PLEKHG1: variants seen among roughly 807,000 people sequenced by gnomAD.
PLEKHG1 encodes pleckstrin homology and RhoGEF domain containing G1.
In PLEKHG1, 44 loss-of-function variants were observed where a neutral mutation model predicts 100.8. The ratio of observed to expected loss-of-function variants is 0.44; its 90% CI spans 0.34 to 0.56. The LOEUF is 0.56. Ranked by LOEUF, PLEKHG1 falls within the 20% of genes least tolerant of loss-of-function variation. The pLI is 0.01. For missense variants in PLEKHG1, 1,545 were observed against 1,720.9 expected (o/e 0.90, Z 1.81); for synonymous variants, 640 against 662.5 (o/e 0.97, Z 0.52).
At chr6:150,616,810 C>T (rs201123628) in intron 1 of PLEKHG1, among the ~76,000 whole-genome samples, 1 of 152,154 alleles carries the variant, frequency 6.6e-6, no homozygotes, top group Admixed American at 6.5e-5. Flanking sequence ...TGTAAGAACA[C>T]GTTCATCTCA....
At chr6:150,747,432 A>G (rs1407436324) in intron 2 of PLEKHG1, among the ~76,000 whole-genome samples, 5 of 152,202 alleles carry the variant, frequency 3.3e-5, no homozygotes, top group Non-Finnish European at 7.3e-5. Flanking sequence ...TTTAACCTAC[A>G]TAACTTAGTA....
chr6:150,816,571 G>A (rs571788203), intron 10 of PLEKHG1, among the ~76,000 whole-genome samples: 13 of 151,852 alleles, frequency 8.6e-5, no homozygotes, highest in East Asian at 5.8e-4. Context: ...TGATCTGCCC[G>A]CCTCAGCCTC....
intron 2 of PLEKHG1, among the ~76,000 whole-genome samples, chr6:150,745,183 G>A (rs1783090311): frequency 1.3e-5 from 2 of 152,212 alleles, no homozygotes; most frequent in East Asian, 1.9e-4. Flanking sequence ...TTGCTTCTAG[G>A]CTACAAACCT....
At chr6:150,835,372 T>C (rs1406631543) in intron 15 of PLEKHG1, among the ~76,000 whole-genome samples, 8 of 152,122 alleles carry the variant, frequency 5.3e-5, no homozygotes, top group Admixed American at 5.2e-4. Flanking sequence ...GGCACAATTT[T>C]ATGCTTTTGT....
intron 3 of PLEKHG1, among the ~76,000 whole-genome samples, chr6:150,693,664 C>G (rs1361609279): frequency 6.6e-6 from 1 of 152,230 alleles, no homozygotes; most frequent in African/African-American, 2.4e-5. Flanking sequence ...CTCACCCGCT[C>G]TAAGCACATC....
chr6:150,725,791 G>T (rs1583009879), intron 1 of PLEKHG1, among the ~76,000 whole-genome samples: 1 of 148,428 alleles, frequency 6.7e-6, no homozygotes. Context: ...GAGGCTTTAT[G>T]GTTTCTAGTC....
intron 3 of PLEKHG1, among the ~76,000 whole-genome samples, chr6:150,706,432 G>T (rs2128601911): frequency 6.8e-6 from 1 of 146,116 alleles, no homozygotes; most frequent in South Asian, 2.3e-4. Context: ...GGGCAACATA[G>T]GGAAACCCCA....
chr6:150,640,110 C>G (rs1008127749), intron 2 of PLEKHG1, among the ~76,000 whole-genome samples: 2 of 152,278 alleles, frequency 1.3e-5, no homozygotes, highest in African/African-American at 4.8e-5. Flanking sequence ...CCATCTGGCC[C>G]TACCTGCTGT....
intron 2 of PLEKHG1, among the ~76,000 whole-genome samples, chr6:150,760,548 G>A (rs542663039): frequency 2.0e-5 from 3 of 150,836 alleles, no homozygotes; most frequent in East Asian, 1.9e-4. Flanking sequence ...GTGGTGGCCC[G>A]TTTTGAAGAC....
intron 10 of PLEKHG1, 28 bp from the exon 12 acceptor site, chr6:150,818,155 A>G (rs1776092047): frequency 6.3e-7 from 1 of 1,587,662 alleles, no homozygotes; most frequent in East Asian, 2.2e-5. Flanking sequence ...AAGCAATTGG[A>G]ATTACAGCTC....
At chr6:150,631,483 C>T (rs998503359) in intron 1 of PLEKHG1, among the ~76,000 whole-genome samples, 1 of 152,210 alleles carries the variant, frequency 6.6e-6, no homozygotes, top group African/African-American at 2.4e-5. Flanking sequence ...ACAGCCACAC[C>T]TTACACCTAG....
intron 2 of PLEKHG1, among the ~76,000 whole-genome samples, chr6:150,638,995 G>A (rs1243134094): frequency 6.6e-6 from 1 of 152,124 alleles, no homozygotes; most frequent in Non-Finnish European, 1.5e-5. Context: ...TTAATGAGTG[G>A]GGAATGTTAT....
At chr6:150,668,799 A>G (rs987470283) in intron 3 of PLEKHG1, among the ~76,000 whole-genome samples, 1 of 152,216 alleles carries the variant, frequency 6.6e-6, no homozygotes, top group Non-Finnish European at 1.5e-5. Context: ...TTCTGGAAAA[A>G]TATTTTAGTC....
chr6:150,721,116 C>T, exon 1 of PLEKHG1: 1 of 983,408 alleles, frequency 1.0e-6, no homozygotes, highest in Non-Finnish European at 1.2e-6. Context: ...GCTGCACAGA[C>T]TAGCAAAGGC....
intron 3 of PLEKHG1, among the ~76,000 whole-genome samples, chr6:150,703,957 A>G (rs369956648): frequency 1.4e-4 from 21 of 152,216 alleles, no homozygotes; most frequent in African/African-American, 5.1e-4. Flanking sequence ...CAATGGAACT[A>G]ATTTTAAGTC....
intron 2 of PLEKHG1, among the ~76,000 whole-genome samples, chr6:150,765,260 A>G (rs528364117): frequency 8.5e-5 from 13 of 152,288 alleles, no homozygotes; most frequent in Non-Finnish European, 1.6e-4. Flanking sequence ...TGGGAGGCCA[A>G]GGCAAGTGGA....
intron 2 of PLEKHG1, among the ~76,000 whole-genome samples, chr6:150,767,054 C>T (rs1486419664): frequency 6.6e-6 from 1 of 152,178 alleles, no homozygotes; most frequent in African/African-American, 2.4e-5. Flanking sequence ...TAAATACAGA[C>T]ATTCACTGCA....
intron 3 of PLEKHG1, chr6:150,663,979 T>G (rs369947670): frequency 6.6e-6 from 1 of 152,226 alleles, no homozygotes; most frequent in Non-Finnish European, 1.5e-5. Flanking sequence ...ATAGCAACTC[T>G]TACTCAAATT....
At chr6:150,685,133 C>A (rs1238467257) in intron 3 of PLEKHG1, among the ~76,000 whole-genome samples, 1 of 152,086 alleles carries the variant, frequency 6.6e-6, no homozygotes, top group African/African-American at 2.4e-5. Context: ...CTGGGCCGTT[C>A]TTCAAGATCT....
Sources: gnomAD v4.1 joint callset for allele counts (sites outside exome capture counted in the v4.1 genomes callset) on GRCh38, gnomAD v4.1.1 for gene constraint, MANE v1.5 for transcripts, NCBI Gene and HGNC (gene_info 2026-07-23, HGNC 2026-07-21) for gene names.